Variants in MYCT1 observed in about 807,000 individuals in gnomAD.
MYCT1 encodes MYC target 1.
MYCT1 carries 12 observed loss-of-function variants against 15.0 expected under a neutral mutation model. The observed-to-expected ratio is 0.80, with a 90% CI of 0.51 to 1.29. The LOEUF is 1.29. Among genes scored for constraint, MYCT1 ranks in the 50% most tolerant of loss-of-function variants. The pLI is 0.00. For missense variants in MYCT1, 287 were observed against 279.1 expected (o/e 1.03, Z -0.20); for synonymous variants, 104 against 102.7 (o/e 1.01, Z -0.07).
rs1293576578 is a variant in MYCT1 at position 152,722,434 on chromosome 6, C to G, written c.*181C>G. ...CACATTTTCTTCAAACACGTTTTCC[C>G]TTTTGTTTCAAAAAATGTAATATTT... On this transcript the variant is annotated 3_prime_UTR_variant, in exon 2 of 2. Coordinates refer to ENST00000367245, the MANE Select transcript of MYCT1 (RefSeq NM_025107.3). The G allele has an allele frequency of 8.5e-6, 5 of 586,126 alleles. No homozygotes were observed. The highest frequency in any genetic ancestry group is 2.9e-5 in the South Asian group (1 of 34,278). 36.3% of individuals were successfully genotyped at this position (586,126 alleles called of 1,614,324 possible). A position where few individuals can be genotyped will look rare whatever the true frequency, so the allele number is the denominator to read the frequency against.
In MYCT1 at chr6:152,722,196, T is replaced by C. The variant is rs1312932773; in HGVS notation, c.651T>C (p.Leu217=). 2 of 1,614,116 alleles carry C rather than the reference T, an allele frequency of 1.2e-6. No homozygotes were observed. The highest frequency in any genetic ancestry group is 3.3e-5 in the Admixed American group (2 of 60,008). The change falls in exon 2 of 2, where the codon CTT becomes CTC. Residue 217 remains leucine, a synonymous_variant. Coordinates refer to ENST00000367245, the MANE Select transcript of MYCT1 (RefSeq NM_025107.3). ...CCAGTAACAGTCTTCGAGTGGGCCT[T>C]TCAACACCGCCCCCACCTGCCTATG... The part of the protein sequence containing the change: ...YWSSNSLRVG[L]STPPPPAYES...
chr6:152,726,603 G>A (rs1040852960), downstream of MYCT1, among the ~76,000 whole-genome samples: 2 of 152,132 alleles, frequency 1.3e-5, no homozygotes, highest in Admixed American at 6.5e-5. Flanking sequence ...GGGCACATGA[G>A]CCTATACACC....
chr6:152,708,043 GTTATATAAATTTAT>G (rs1424139769), intron 1 of MYCT1, among the ~76,000 whole-genome samples: 1 of 151,570 alleles, frequency 6.6e-6, no homozygotes, highest in Non-Finnish European at 1.5e-5. Flanking sequence ...AGTTGATTTA[GTTATATAAATTTAT>G]TTATATAAAT....
Position 152,704,750 on chromosome 6 carries a change from A to G in MYCT1, c.196+6652A>G, listed in dbSNP as rs1292537996. ...GGTATAATTGGCAAATAAAAACAAT[A>G]TATTTAAGGTGTCCAACATGATATT... On this transcript the variant is annotated intron_variant, in intron 1 of 1. Coordinates refer to ENST00000367245, the MANE Select transcript of MYCT1 (RefSeq NM_025107.3). 3.9e-5 allele frequency among the ~76,000 whole-genome samples: 6 copies of G among 152,282 alleles called. No homozygotes were observed. In the East Asian group the frequency reaches 5.8e-4, roughly 15 times the overall value.
chr6:152,719,643 T>C (rs577825328), intron 1 of MYCT1, among the ~76,000 whole-genome samples: 82 of 152,342 alleles, frequency 5.4e-4, no homozygotes, highest in Middle Eastern at 3.4e-3. Context: ...ACACAATAAA[T>C]GTAGCTTTTC....
intron 1 of MYCT1, among the ~76,000 whole-genome samples, chr6:152,706,957 T>C (rs2099722393): frequency 6.6e-6 from 1 of 152,008 alleles, no homozygotes; most frequent in South Asian, 2.1e-4. Context: ...ATTGTGACAA[T>C]GCTGCAATGA....
At chr6:152,733,172 C>T in the MYCT1 span, among the ~76,000 whole-genome samples, 5,182 of 152,148 alleles carry the variant, frequency 0.034, 151 homozygotes, top group Non-Finnish European at 0.046. Flanking sequence ...GGCATGATCT[C>T]AGTGCACTGC....
chr6:152,716,569 C>T (rs1359198116), intron 1 of MYCT1, among the ~76,000 whole-genome samples: 3 of 151,952 alleles, frequency 2.0e-5, no homozygotes, highest in African/African-American at 7.3e-5. Flanking sequence ...ATTATATTTA[C>T]TAAAAATCAT....
In MYCT1 at chr6:152,724,234, T is replaced by A; in HGVS notation, c.*1981T>A. The A allele has an allele frequency of 1.6e-5, 1 of 60,734 alleles. No homozygotes were observed. The highest frequency in any genetic ancestry group is 3.3e-4 in the East Asian group (1 of 3,020). The allele number at this position is 60,734 out of a possible 1,614,324, so 3.8% of individuals were successfully genotyped here. ...AATATTAACTTGGTATCAGGGCTAC[T>A]TTTTTTTTTTTTTTTTTACTTGCAT... On this transcript the variant is annotated 3_prime_UTR_variant, in exon 2 of 2. Coordinates refer to ENST00000367245, the MANE Select transcript of MYCT1 (RefSeq NM_025107.3).
intron 1 of MYCT1, among the ~76,000 whole-genome samples, chr6:152,708,266 CT>C (rs1440179058): frequency 3.3e-5 from 5 of 151,954 alleles, no homozygotes; most frequent in Admixed American, 1.3e-4. Flanking sequence ...TGTAATTATA[CT>C]TTCCAGTTGT....
chr6:152,731,317 T>C, the MYCT1 span, among the ~76,000 whole-genome samples: 1 of 152,232 alleles, frequency 6.6e-6, no homozygotes, highest in Non-Finnish European at 1.5e-5. Context: ...ATTTATTATA[T>C]CATTGCTAAT....
chr6:152,716,769 T>G (rs2099723764), intron 1 of MYCT1, among the ~76,000 whole-genome samples: 1 of 152,194 alleles, frequency 6.6e-6, no homozygotes, highest in African/African-American at 2.4e-5. Flanking sequence ...GACATATATT[T>G]AATTTATATG....
At chr6:152,736,488 T>A in the MYCT1 span, among the ~76,000 whole-genome samples, 2 of 152,136 alleles carry the variant, frequency 1.3e-5, no homozygotes, top group Non-Finnish European at 2.9e-5. Context: ...GAAAACTTCC[T>A]GACCAGGTTC....
At position 152,721,971 on chromosome 6, in the gene MYCT1, C is replaced by T. The variant is rs1024080028; in HGVS notation, c.426C>T (p.Leu142=). 1.9e-6 allele frequency: 3 copies of T among 1,614,090 alleles called. No individual in the cohort carries two copies. Among genetic ancestry groups the T allele is most frequent in the African/African-American group, 2.7e-5 (2 of 74,924 alleles). ...GAAGCAACCTCAGCCTGGCCAGTCT[C>T]ACCTTCCAGCGACAAGCTTCCCTGG... is the stretch of plus-strand genomic sequence containing the variant. ...ERRSNLSLAS[L]TFQRQASLEQ... Residue 142 remains leucine (L), a synonymous_variant, in exon 2 of 2, where the codon CTC becomes CTT. Transcript: ENST00000367245.
Position 152,721,869 on chromosome 6 carries a change from A to G in MYCT1, c.324A>G (p.Ser108=), listed in dbSNP as rs761661922. 2 of 1,614,004 alleles carry G rather than the reference A, an allele frequency of 1.2e-6. No individual in the cohort carries two copies. Among genetic ancestry groups the G allele is most frequent in the South Asian group, 2.2e-5 (2 of 91,064 alleles). The change falls in exon 2 of 2, where the codon TCA becomes TCG. Residue 108 remains serine (S), a synonymous_variant. Transcript: ENST00000367245. ...GTGCTCCCATCTCACAGTGGAGTTC[A>G]AGCAGGAGATCTAGGTCTTCTTACA... ...RASAPISQWS[S]SRRSRSSYTH... is the part of the protein sequence containing the mutation.
intron 1 of MYCT1, among the ~76,000 whole-genome samples, chr6:152,720,379 ACT>A (rs1484521609): frequency 2.0e-5 from 3 of 151,492 alleles, no homozygotes; most frequent in African/African-American, 7.3e-5. Context: ...GGGGAAATAG[ACT>A]CTATCTCTTG....
the MYCT1 span, among the ~76,000 whole-genome samples, chr6:152,742,701 G>A: frequency 1.3e-5 from 2 of 152,138 alleles, no homozygotes; most frequent in Non-Finnish European, 2.9e-5. Flanking sequence ...TGGATCCTCA[G>A]TTTTGTCATC....
intron 1 of MYCT1, among the ~76,000 whole-genome samples, chr6:152,718,749 C>T (rs1034657975): frequency 6.6e-6 from 1 of 152,066 alleles, no homozygotes; most frequent in Non-Finnish European, 1.5e-5. Flanking sequence ...TAAATACTTT[C>T]ATTGAGTAAC....
the MYCT1 span, among the ~76,000 whole-genome samples, chr6:152,744,331 A>T: frequency 6.6e-6 from 1 of 152,180 alleles, no homozygotes; most frequent in Admixed American, 6.5e-5. Context: ...CTCAAATGAA[A>T]AATACCAAAA....
Sources: gnomAD v4.1 joint callset for allele counts (sites outside exome capture counted in the v4.1 genomes callset) on GRCh38, gnomAD v4.1.1 for gene constraint, MANE v1.5 for transcripts, NCBI Gene and HGNC (gene_info 2026-07-23, HGNC 2026-07-21) for gene names.